Variants in YY2 observed in about 807,000 individuals in gnomAD.
The protein encoded by YY2 is transcription factor YY2.
For synonymous variants in YY2, 157 were observed against 131.2 expected (o/e 1.20, Z -1.35); for missense variants, 254 against 305.3 (o/e 0.83, Z 1.25).
Position 21,856,796 on chromosome X carries a change from G to C in YY2, c.312G>C (p.Gln104His), listed in dbSNP as rs375625645. ...DNQLGNDLED[Q>H]LALPDSIEDE... is the part of the protein sequence containing the mutation. ...AGCTAGGCAACGACTTGGAGGACCA[G>C]TTGGCCCTCCCGGATAGCATTGAAG... Residue 104 changes from glutamine to histidine, a missense_variant, in exon 1 of 1, where the codon CAG becomes CAC. Coordinates refer to ENST00000429584, the MANE Select transcript of YY2 (RefSeq NM_206923.4). The C allele has an allele frequency of 8.3e-7, 1 of 1,211,888 alleles. No individual in the cohort carries two copies. The highest frequency in any genetic ancestry group is 3.0e-5 in the East Asian group (1 of 33,834).
Position 21,856,362 on chromosome X carries a change from TTTCTCTGCAGCTC to T in YY2, c.-122_-110del. ...CGCGCCTTTCTCTGCAGCTCGCGCC[TTTCTCTGCAGCTC>T]GCCCCTTCCTCTGCAGCTCGCCCCT... On this transcript the variant is annotated 5_prime_UTR_variant, in exon 1 of 1. It introduces an in-frame stop codon into an upstream open reading frame of the 5' UTR. Coordinates refer to ENST00000429584, the MANE Select transcript of YY2 (RefSeq NM_206923.4). The T allele has an allele frequency of 1.3e-6, 1 of 774,754 alleles. No individual in the cohort carries two copies. Among genetic ancestry groups the T allele is most frequent in the South Asian group, 2.6e-5 (1 of 39,087 alleles). The allele number at this position is 774,754 out of a possible 1,213,427, so 63.8% of individuals were successfully genotyped here.
At position 21,857,025 on chromosome X, in the gene YY2, G is replaced by A; in HGVS notation, c.541G>A (p.Gly181Ser). The change falls in exon 1 of 1, where the codon GGT becomes AGT. Residue 181 changes from glycine to serine, a missense_variant. Gly to Ser is a moderately conservative substitution (Grantham distance 56). Transcript: ENST00000429584. Reference sequence around the variant, plus strand: ...GCAAATGCAGGTCAAAACGCTGGAGGGTGAGTTTTCCGTGACTATGTGGTC... The same window carrying A: ...GCAAATGCAGGTCAAAACGCTGGAGAGTGAGTTTTCCGTGACTATGTGGTC... ...QKQMQVKTLE[G>S]EFSVTMWSPN... 1 of 1,211,963 alleles carries A rather than the reference G, an allele frequency of 8.3e-7. No homozygotes were observed. Among genetic ancestry groups the A allele is most frequent in the Non-Finnish European group, 1.1e-6 (1 of 895,575 alleles).
In YY2 at chrX:21,856,551, CACG is replaced by C; in HGVS notation, c.70_72del (p.Asp24del). The stretch of plus-strand genomic sequence containing the variant: ...GATCCCGGCAGATATTGTGGAGCTC[CACG>C]ACATCAATGTGGAGCCCCTTCCTAT... On this transcript the variant is annotated inframe_deletion, in exon 1 of 1. Coordinates refer to ENST00000429584, the MANE Select transcript of YY2 (RefSeq NM_206923.4). 1.7e-6 allele frequency: 2 copies of C among 1,211,822 alleles called. No homozygotes were observed. The highest frequency in any genetic ancestry group is 2.2e-6 in the Non-Finnish European group (2 of 895,492).
In YY2 at chrX:21,856,283, G is replaced by GCCTTTCTCTGCAGCTCGCC. The variant is rs1170244181; in HGVS notation, c.-184_-183insCCCTTTCTCTGCAGCTCGC. The GCCTTTCTCTGCAGCTCGCC allele has an allele frequency of 7.1e-6, 2 of 279,721 alleles. 1 individual carries two copies. Among genetic ancestry groups the GCCTTTCTCTGCAGCTCGCC allele is most frequent in the Non-Finnish European group, 1.2e-5 (2 of 173,245 alleles). The allele number at this position is 279,721 out of a possible 1,213,427, so 23.1% of individuals were successfully genotyped here. ...CGGCTCGTGCTTTCCTCAGTCTCGC[G>GCCTTTCTCTGCAGCTCGCC]CCTTTCTCTGCAGCTCGCGCCTTTC... On this transcript the variant is annotated 5_prime_UTR_variant, in exon 1 of 1. An upstream open reading frame in the 5' UTR loses its in-frame stop. Transcript: ENST00000429584.
chrX:21,857,409 A>C lies in YY2; in HGVS notation c.925A>C (p.Lys309Gln). The change falls in exon 1 of 1, where the codon AAG becomes CAG. Residue 309 changes from lysine to glutamine, a missense_variant. Lys to Gln is a moderately conservative substitution (Grantham distance 53, BLOSUM62 1). Coordinates refer to ENST00000429584, the MANE Select transcript of YY2 (RefSeq NM_206923.4). ...ACACCAGCTGGTCCACACCGGCGAGAAGCCCTTTCAGTGCACATTCGAAGG... is the reference window on the plus strand; with the variant it reads ...ACACCAGCTGGTCCACACCGGCGAGCAGCCCTTTCAGTGCACATTCGAAGG... ...RRHQLVHTGEKPFQCTFEGCG... is the reference protein window; with the variant it reads ...RRHQLVHTGEQPFQCTFEGCG... The C allele has an allele frequency of 2.5e-6, 3 of 1,212,255 alleles. No individual in the cohort carries two copies. Among genetic ancestry groups the C allele is most frequent in the Non-Finnish European group, 3.3e-6 (3 of 895,643 alleles).
chrX:21,856,172 G>A lies in YY2; in HGVS notation c.-313G>A, dbSNP rs754753915. The A allele has an allele frequency of 1.7e-4, 47 of 284,414 alleles. No homozygotes were observed. Among genetic ancestry groups the A allele is most frequent in the Admixed American group, 2.9e-4 (5 of 17,272 alleles). 23.4% of individuals were successfully genotyped at this position (284,414 alleles called of 1,213,427 possible). A position where few individuals can be genotyped will look rare whatever the true frequency, so the allele number is the denominator to read the frequency against. On this transcript the variant is annotated 5_prime_UTR_variant, in exon 1 of 1. Transcript: ENST00000429584. ...GGTCGCAGGGTGGCAAACGTACGCG[G>A]GCACGTGCACGTGCTTTTGGGGCCG...
rs1284095410 is a variant in YY2, at chrX:21,856,291, C to T, written c.-194C>T. The T allele has an allele frequency of 3.5e-6, 1 of 285,419 alleles. No homozygotes were observed. Among genetic ancestry groups the T allele is most frequent in the Non-Finnish European group, 5.7e-6 (1 of 175,355 alleles). The allele number at this position is 285,419 out of a possible 1,213,427, so 23.5% of individuals were successfully genotyped here. ...GCTTTCCTCAGTCTCGCGCCTTTCT[C>T]TGCAGCTCGCGCCTTTCTCTGCAGC... is the stretch of plus-strand genomic sequence containing the variant. On this transcript the variant is annotated 5_prime_UTR_variant, in exon 1 of 1. Coordinates refer to ENST00000429584, the MANE Select transcript of YY2 (RefSeq NM_206923.4).
chrX:21,857,274 A>G lies in YY2; in HGVS notation c.790A>G (p.Met264Val), dbSNP rs369808230. The G allele has an allele frequency of 1.7e-6, 2 of 1,211,483 alleles. No homozygotes were observed. The highest frequency in any genetic ancestry group is 2.2e-6 in the Non-Finnish European group (2 of 895,391). The change falls in exon 1 of 1, where the codon ATG (methionine) becomes GTG (valine). Residue 264 changes from methionine to valine, a missense_variant. Physicochemically the swap from Met to Val is conservative, Grantham distance 21. Transcript: ENST00000429584. ...VPCSYSGCEK[M>V]FRDYAAMRKH... ...TTGCTCTTATAGCGGCTGCGAAAAG[A>G]TGTTCCGGGATTACGCCGCCATGAG...
In YY2 at chrX:21,856,768, A is replaced by G. The variant is rs767275737; in HGVS notation, c.284A>G (p.Asn95Ser). ...EEVVGYCDSD[N>S]QLGNDLEDQL... ...GTGGTGGGCTATTGCGACTCAGACA[A>G]CCAGCTAGGCAACGACTTGGAGGAC... Residue 95 changes from asparagine (N) to serine (S), a missense_variant, in exon 1 of 1, where the codon AAC (asparagine) becomes AGC (serine). Coordinates refer to ENST00000429584, the MANE Select transcript of YY2 (RefSeq NM_206923.4). The G allele has an allele frequency of 1.9e-5, 23 of 1,209,934 alleles. No individual in the cohort carries two copies. The highest frequency in any genetic ancestry group is 2.1e-5 in the Non-Finnish European group (19 of 895,251).
At position 21,857,684 on chromosome X, in the gene YY2, ATGT is replaced by A; in HGVS notation, c.*86_*88del. 2 of 1,000,784 alleles carry A rather than the reference ATGT, an allele frequency of 2.0e-6. No individual in the cohort carries two copies. Among genetic ancestry groups the A allele is most frequent in the Non-Finnish European group, 2.7e-6 (2 of 751,634 alleles). 82.5% of individuals were successfully genotyped at this position (1,000,784 alleles called of 1,213,427 possible). On this transcript the variant is annotated 3_prime_UTR_variant, in exon 1 of 1. Transcript: ENST00000429584. ...ATAAATATGCCTCTCAAAGCTTTGT[ATGT>A]TGTTTCTAAGAGTTTTAAAAAAAAA...
Position 21,857,531 on chromosome X carries a change from C to G in YY2, c.1047C>G (p.Asn349Lys). ...KPFVCPFDVC[N>K]RKFAQSTNLK... ...TCGTGTGCCCCTTCGATGTTTGCAA[C>G]AGGAAGTTCGCTCAGTCAACCAACC... The change falls in exon 1 of 1, where the codon AAC (asparagine) becomes AAG (lysine). Residue 349 changes from asparagine (N) to lysine (K), a missense_variant. By Grantham distance (94) the Asn-to-Lys change is moderately conservative (BLOSUM62 0). Transcript: ENST00000429584. 8.3e-6 allele frequency: 10 copies of G among 1,212,021 alleles called. No individual in the cohort carries two copies. The highest frequency in any genetic ancestry group is 1.1e-5 in the Non-Finnish European group (10 of 895,571).
Position 21,856,973 on chromosome X carries a change from C to T in YY2, c.489C>T (p.Ser163=), listed in dbSNP as rs2092923790. Residue 163 remains serine (S), a synonymous_variant, in exon 1 of 1, where the codon AGC becomes AGT. Transcript: ENST00000429584. The part of the protein sequence containing the change: ...TEANPAGSSS[S]LGTRKWEQKQ... ...CCAACCCGGCAGGCAGCAGCTCCAG[C>T]CTGGGCACGAGGAAGTGGGAGCAGA... is the stretch of plus-strand genomic sequence containing the variant. 7 of 1,210,445 alleles carry T rather than the reference C, an allele frequency of 5.8e-6. No individual in the cohort carries two copies. Among genetic ancestry groups the T allele is most frequent in the Non-Finnish European group, 6.7e-6 (6 of 895,400 alleles).
Position 21,857,680 on chromosome X carries a change from T to C in YY2, c.*77T>C, listed in dbSNP as rs2092925203. 9.9e-7 allele frequency: 1 copy of C among 1,011,809 alleles called. No individual in the cohort carries two copies. The highest frequency in any genetic ancestry group is 2.2e-5 in the African/African-American group (1 of 46,490). The allele number at this position is 1,011,809 out of a possible 1,213,427, so 83.4% of individuals were successfully genotyped here. A position where few individuals can be genotyped will look rare whatever the true frequency, so the allele number is the denominator to read the frequency against. ...GGGAATAAATATGCCTCTCAAAGCT[T>C]TGTATGTTGTTTCTAAGAGTTTTAA... On this transcript the variant is annotated 3_prime_UTR_variant, in exon 1 of 1. Transcript: ENST00000429584.
At position 21,857,722 on chromosome X, in the gene YY2, C is replaced by G; in HGVS notation, c.*119C>G. ...GAGTTTTAAAAAAAAATGAATCCTGCACATTTAAGGTTCGTGTTTTGTTAG... is the reference window on the plus strand; with the variant it reads ...GAGTTTTAAAAAAAAATGAATCCTGGACATTTAAGGTTCGTGTTTTGTTAG... On this transcript the variant is annotated 3_prime_UTR_variant, in exon 1 of 1. Transcript: ENST00000429584. 1 of 837,216 alleles carries G rather than the reference C, an allele frequency of 1.2e-6. No homozygotes were observed. Among genetic ancestry groups the G allele is most frequent in the Non-Finnish European group, 1.7e-6 (1 of 598,438 alleles). 69.0% of individuals were successfully genotyped at this position (837,216 alleles called of 1,213,427 possible).
In YY2 at chrX:21,857,315, C is replaced by T. The variant is rs754333086; in HGVS notation, c.831C>T (p.Ile277=). The change falls in exon 1 of 1, where the codon ATC becomes ATT. Residue 277 remains isoleucine, a synonymous_variant. Coordinates refer to ENST00000429584, the MANE Select transcript of YY2 (RefSeq NM_206923.4). ...DYAAMRKHLH[I]HGPRVHVCAE... ...CCGCCATGAGAAAACATCTCCACAT[C>T]CACGGGCCCAGAGTCCACGTATGTG... 9 of 1,210,558 alleles carry T rather than the reference C, an allele frequency of 7.4e-6. No individual in the cohort carries two copies. The South Asian group carries it at 1.6e-4, about 21-fold the overall frequency.
At position 21,856,348 on chromosome X, in the gene YY2, C is replaced by CTGCAGCTCGCGCCTTTCTT; in HGVS notation, c.-119_-118insTTGCAGCTCGCGCCTTTCT. 1.2e-5 allele frequency: 7 copies of CTGCAGCTCGCGCCTTTCTT among 593,359 alleles called. No homozygotes were observed. The highest frequency in any genetic ancestry group is 3.1e-5 in the Admixed American group (1 of 31,851). The allele number at this position is 593,359 out of a possible 1,213,427, so 48.9% of individuals were successfully genotyped here. A position where few individuals can be genotyped will look rare whatever the true frequency, so the allele number is the denominator to read the frequency against. ...CTTTCTCTGCAGCTCGCGCCTTTCT[C>CTGCAGCTCGCGCCTTTCTT]TGCAGCTCGCGCCTTTCTCTGCAGC... On this transcript the variant is annotated 5_prime_UTR_variant, in exon 1 of 1. An upstream open reading frame in the 5' UTR loses its in-frame stop. Coordinates refer to ENST00000429584, the MANE Select transcript of YY2 (RefSeq NM_206923.4).
At position 21,856,363 on chromosome X, in the gene YY2, T is replaced by TCC. The variant is rs1555983044; in HGVS notation, c.-122_-121insCC. 15 of 777,764 alleles carry TCC rather than the reference T, an allele frequency of 1.9e-5. No homozygotes were observed. In the African/African-American group the frequency reaches 3.1e-4, roughly 16 times the overall value. The allele number at this position is 777,764 out of a possible 1,213,427, so 64.1% of individuals were successfully genotyped here. On this transcript the variant is annotated 5_prime_UTR_variant, in exon 1 of 1. It introduces an in-frame stop codon into an upstream open reading frame of the 5' UTR. Coordinates refer to ENST00000429584, the MANE Select transcript of YY2 (RefSeq NM_206923.4). Reference sequence around the variant, plus strand: ...GCGCCTTTCTCTGCAGCTCGCGCCTTTCTCTGCAGCTCGCCCCTTCCTCTG... The same window carrying TCC: ...GCGCCTTTCTCTGCAGCTCGCGCCTTCCTCTCTGCAGCTCGCCCCTTCCTCTG...
Position 21,856,263 on chromosome X carries a change from C to G in YY2, c.-222C>G. ...CCAGAAGCACCTGCGCCTTCCGGCT[C>G]GTGCTTTCCTCAGTCTCGCGCCTTT... On this transcript the variant is annotated 5_prime_UTR_variant, in exon 1 of 1. Transcript: ENST00000429584. The G allele has an allele frequency of 2.4e-6, 1 of 424,015 alleles. No individual in the cohort carries two copies. Among genetic ancestry groups the G allele is most frequent in the Non-Finnish European group, 4.0e-6 (1 of 249,801 alleles). The allele number at this position is 424,015 out of a possible 1,213,427, so 34.9% of individuals were successfully genotyped here. A position where few individuals can be genotyped will look rare whatever the true frequency, so the allele number is the denominator to read the frequency against.
At position 21,856,280 on chromosome X, in the gene YY2, CGCGCCTTTCTCT is replaced by C. The variant is rs2092921431; in HGVS notation, c.-202_-191del. 1 of 285,289 alleles carries C rather than the reference CGCGCCTTTCTCT, an allele frequency of 3.5e-6. No homozygotes were observed. Among genetic ancestry groups the C allele is most frequent in the Non-Finnish European group, 5.7e-6 (1 of 176,854 alleles). 23.5% of individuals were successfully genotyped at this position (285,289 alleles called of 1,213,427 possible). ...TTCCGGCTCGTGCTTTCCTCAGTCT[CGCGCCTTTCTCT>C]GCAGCTCGCGCCTTTCTCTGCAGCT... On this transcript the variant is annotated 5_prime_UTR_variant, in exon 1 of 1. Coordinates refer to ENST00000429584, the MANE Select transcript of YY2 (RefSeq NM_206923.4).
Sources: allele counts gnomAD v4.1 joint callset, GRCh38; gene constraint gnomAD v4.1.1; transcripts MANE v1.5; gene names NCBI Gene and HGNC (gene_info 2026-07-23, HGNC 2026-07-21).